The following SOX5 variants were observed in gnomAD, a reference collection of about 807,000 sequenced individuals.
SOX5 encodes transcription factor SOX-5.
Under a neutral mutation model 92.0 loss-of-function variants are expected in SOX5, and 9 were observed. The ratio of observed to expected loss-of-function variants is 0.10; its 90% CI spans 0.06 to 0.17. SOX5 has a LOEUF of 0.17. Among genes scored for constraint, SOX5 ranks in the 10% least tolerant of loss-of-function variants. SOX5 has a pLI of 1.00. For missense variants in SOX5, 642 were observed against 944.5 expected (o/e 0.68, Z 4.20); for synonymous variants, 344 against 336.3 (o/e 1.02, Z -0.25).
In SOX5 at chr12:23,691,698, T is replaced by C. The variant is rs112349753; in HGVS notation, c.811-26134A>G. Among the ~76,000 whole-genome samples, 1,403 of 152,292 alleles carry C rather than the reference T, an allele frequency of 9.2e-3. 32 individuals carry two copies. The highest frequency in any genetic ancestry group is 0.033 in the African/African-American group (1,360 of 41,562). On this transcript the variant is annotated intron_variant, in intron 6 of 14. Transcript: ENST00000451604. ...TCTATCATATTTTAAATGTTTGCTATAGCTGAATTTATGTCTTCTTTTTTA... is the reference window on the plus strand; with the variant it reads ...TCTATCATATTTTAAATGTTTGCTACAGCTGAATTTATGTCTTCTTTTTTA...
chr12:23,604,239 C>G, intron 9 of SOX5, 148 bp downstream of exon 9: 1 of 675,158 alleles, frequency 1.5e-6, no homozygotes, highest in Admixed American at 2.7e-5. Context: ...GATAAGTTGA[C>G]ATGCACACCT....
At chr12:24,390,619 T>C (rs144862555) in intron 1 of SOX5, among the ~76,000 whole-genome samples, 3 of 152,164 alleles carry the variant, frequency 2.0e-5, no homozygotes, top group Non-Finnish European at 4.4e-5. Context: ...CCCCTCTCTA[T>C]GTCCATGTAT....
intron 1 of SOX5, among the ~76,000 whole-genome samples, chr12:24,513,337 T>TG (rs1045014268): frequency 1.3e-5 from 2 of 152,216 alleles, no homozygotes; most frequent in African/African-American, 4.8e-5. Context: ...CTGGTGTCTT[T>TG]CTTAGGTACT....
intron 4 of SOX5, among the ~76,000 whole-genome samples, chr12:24,182,503 G>C (rs1232482836): frequency 6.6e-6 from 1 of 151,872 alleles, no homozygotes; most frequent in Non-Finnish European, 1.5e-5. Context: ...AAGCATATTA[G>C]TTATCCAGAT....
intron 3 of SOX5, among the ~76,000 whole-genome samples, chr12:24,244,048 T>TAAAAAAAAAAAAAAAAAA (rs3031151): frequency 7.6e-6 from 1 of 131,602 alleles, no homozygotes. Flanking sequence ...GGCATATTGA[T>TAAAAAAAAAAAAAAAAAA]AAAAAAAAAA....
At chr12:23,903,617 A>G (rs1230499428) in intron 1 of SOX5, among the ~76,000 whole-genome samples, 1 of 152,200 alleles carries the variant, frequency 6.6e-6, no homozygotes, top group African/African-American at 2.4e-5. Context: ...TATTTAATAG[A>G]TTGCATCTTC....
rs532876072 is a variant in SOX5, at chr12:24,393,992, A to G, written c.-250-25353T>C. On this transcript the variant is annotated intron_variant, in intron 1 of 4. Coordinates refer to the SOX5 transcript ENST00000446891. This position sits in a 1 kb window ranked among gnomAD's most constrained non-coding sequence, Gnocchi z 5.0. ...ACCGTGAGTGGCTGAAGAACACACA[A>G]TAGCATTCAGAACAGAGACCTGACC... is the stretch of plus-strand genomic sequence containing the variant. Among the ~76,000 whole-genome samples the G allele has an allele frequency of 1.4e-4, 21 of 152,352 alleles. No homozygotes were observed. The highest frequency in any genetic ancestry group is 2.2e-4 in the Non-Finnish European group (15 of 68,042).
intron 4 of SOX5, among the ~76,000 whole-genome samples, chr12:24,003,892 A>C (rs1951872537): frequency 6.6e-6 from 1 of 152,044 alleles, no homozygotes; most frequent in Non-Finnish European, 1.5e-5. Context: ...TTTTATTTCA[A>C]AGAACAATAT....
chr12:24,436,092 T>G (rs1198574488), intron 1 of SOX5, among the ~76,000 whole-genome samples: 1 of 152,152 alleles, frequency 6.6e-6, no homozygotes, highest in Non-Finnish European at 1.5e-5. Context: ...TGGGCCTTTT[T>G]TATTCCCCAA....
intron 2 of SOX5, among the ~76,000 whole-genome samples, chr12:24,335,995 T>C (rs986949540): frequency 5.5e-5 from 1 of 18,226 alleles, no homozygotes; most frequent in African/African-American, 1.3e-4. Flanking sequence ...ATATCCATAA[T>C]ATTAAATTTT....
chr12:24,330,391 T>G (rs1249752392), intron 2 of SOX5, among the ~76,000 whole-genome samples: 1 of 152,194 alleles, frequency 6.6e-6, no homozygotes, highest in East Asian at 1.9e-4. Context: ...AAAGGTGTGA[T>G]CTGGGCCCAT....
intron 6 of SOX5, among the ~76,000 whole-genome samples, chr12:23,699,980 T>TA (rs533927892): frequency 2.8e-4 from 43 of 152,216 alleles, no homozygotes; most frequent in African/African-American, 8.9e-4. Flanking sequence ...CTCTGTTTTA[T>TA]AAAAAAACAT....
At chr12:23,999,387 A>C (rs189664820) in intron 4 of SOX5, among the ~76,000 whole-genome samples, 1 of 152,264 alleles carries the variant, frequency 6.6e-6, no homozygotes, top group East Asian at 1.9e-4. Context: ...CCTAGTATAC[A>C]ACATGGTCAC....
At chr12:23,639,530 C>T (rs1342701256) in intron 8 of SOX5, among the ~76,000 whole-genome samples, 2 of 152,200 alleles carry the variant, frequency 1.3e-5, no homozygotes, top group Non-Finnish European at 2.9e-5. Flanking sequence ...CTATTACAAT[C>T]ACTTTTTCAT....
chr12:23,883,012 T>G (rs1021286431), intron 2 of SOX5, among the ~76,000 whole-genome samples: 3 of 151,956 alleles, frequency 2.0e-5, no homozygotes, highest in African/African-American at 7.3e-5. Flanking sequence ...AAACCCCGTC[T>G]CTACTAAAAA....
chr12:24,090,795 A>G (rs1944549493), intron 4 of SOX5, among the ~76,000 whole-genome samples: 1 of 152,212 alleles, frequency 6.6e-6, no homozygotes, highest in Non-Finnish European at 1.5e-5. Context: ...TAATGGGGAA[A>G]TGATATTTAG....
intron 6 of SOX5, among the ~76,000 whole-genome samples, chr12:23,688,233 A>T (rs2088013306): frequency 6.6e-6 from 1 of 152,030 alleles, no homozygotes; most frequent in African/African-American, 2.4e-5. Flanking sequence ...ATATTTAGTC[A>T]CCTCTAATAC....
intron 9 of SOX5, among the ~76,000 whole-genome samples, chr12:23,589,962 A>T (rs16926428): frequency 0.061 from 9,288 of 152,058 alleles, 886 homozygotes; most frequent in African/African-American, 0.21. Context: ...ATGAAGTATT[A>T]TAAGTGTGCT....
chr12:23,546,197 C>A, intron 12 of SOX5, 119 bp downstream of exon 12: 1 of 638,880 alleles, frequency 1.6e-6, no homozygotes, highest in East Asian at 2.7e-5. Flanking sequence ...TATATGTGAC[C>A]TCTTATTGTA....
Sources: allele counts gnomAD v4.1 joint callset (sites outside exome capture counted in the v4.1 genomes callset), GRCh38; gene constraint gnomAD v4.1.1; non-coding constraint Gnocchi (gnomAD v3.1); transcripts MANE v1.5; gene names NCBI Gene and HGNC (gene_info 2026-07-23, HGNC 2026-07-21).